Variants in MAN1A2 observed in about 807,000 individuals in gnomAD.
MAN1A2 encodes the protein mannosyl-oligosaccharide 1,2-alpha-mannosidase IB.
MAN1A2 carries 26 observed loss-of-function variants against 75.7 expected under a neutral mutation model. That is an observed-to-expected ratio of 0.34 (90% CI 0.25 to 0.48). MAN1A2 has a LOEUF of 0.48. Among genes scored for constraint, MAN1A2 ranks in the 20% least tolerant of loss-of-function variants. The pLI is 0.99. For missense variants in MAN1A2, 562 were observed against 775.5 expected, an observed-to-expected ratio of 0.72 and a Z score of 3.27; for synonymous variants, 247 against 264.6, an observed-to-expected ratio of 0.93 and a Z score of 0.65.
Position 117,398,402 on chromosome 1 carries a change from G to A in MAN1A2, c.303-3784G>A, listed in dbSNP as rs553102466. On this transcript the variant is annotated intron_variant, in intron 1 of 12. Transcript: ENST00000356554. Reference sequence around the variant, plus strand: ...GAACTGAAAGAAGGTGGCTGGGCACGGTGGCTCATGCCTGTAATCCCAGCA... The same window carrying A: ...GAACTGAAAGAAGGTGGCTGGGCACAGTGGCTCATGCCTGTAATCCCAGCA... Among the ~76,000 whole-genome samples, 16 of 152,226 alleles carry A rather than the reference G, an allele frequency of 1.1e-4. No homozygotes were observed. In the South Asian group the frequency reaches 2.5e-3, roughly 24 times the overall value.
chr1:117,376,208 G>A (rs959739108), intron 1 of MAN1A2, among the ~76,000 whole-genome samples: 4 of 152,176 alleles, frequency 2.6e-5, no homozygotes, highest in Non-Finnish European at 4.4e-5. Flanking sequence ...ACTGCGCCCG[G>A]CCCTAATTTA....
chr1:117,475,221 T>C (rs1650279506), intron 8 of MAN1A2, among the ~76,000 whole-genome samples: 1 of 151,990 alleles, frequency 6.6e-6, no homozygotes, highest in African/African-American at 2.4e-5. Flanking sequence ...ATGTGTATGT[T>C]TAACTTTTTT....
chr1:117,405,996 G>A (rs1647603553), intron 3 of MAN1A2, among the ~76,000 whole-genome samples: 1 of 152,114 alleles, frequency 6.6e-6, no homozygotes, highest in Admixed American at 6.6e-5. Flanking sequence ...CAGAGGAAGA[G>A]GGGAGGGATA....
intron 7 of MAN1A2, among the ~76,000 whole-genome samples, chr1:117,463,522 CA>C (rs1557961238): frequency 4.0e-5 from 6 of 150,248 alleles, no homozygotes; most frequent in Non-Finnish European, 8.9e-5. Flanking sequence ...CACACATACA[CA>C]CACACACACA....
At position 117,445,866 on chromosome 1, in the gene MAN1A2, G is replaced by GTATATATATATA. The variant is rs1255167664; in HGVS notation, c.950+3542_950+3543insATATATATATAT. On this transcript the variant is annotated intron_variant, in intron 6 of 12. Coordinates refer to ENST00000356554, the MANE Select transcript of MAN1A2 (RefSeq NM_006699.5). Reference sequence around the variant, plus strand: ...TGTGTGTGTGTGTGTGTGTATGTGTGTGTGTGTCTGTGTGTGTGTATATAT... The same window carrying GTATATATATATA: ...TGTGTGTGTGTGTGTGTGTATGTGTGTATATATATATATGTGTGTCTGTGTGTGTGTATATAT... Among the ~76,000 whole-genome samples the GTATATATATATA allele has an allele frequency of 5.8e-3, 689 of 119,718 alleles. 30 individuals carry two copies. The highest frequency in any genetic ancestry group is 0.02 in the East Asian group (82 of 4,016). The allele number at this position is 119,718 out of a possible 152,430, so 78.5% of individuals were successfully genotyped here.
chr1:117,492,074 G>A (rs181533914), intron 8 of MAN1A2, among the ~76,000 whole-genome samples: 13 of 152,054 alleles, frequency 8.5e-5, no homozygotes, highest in Non-Finnish European at 1.9e-4. Context: ...AGAATACTAC[G>A]TAAATTTAGT....
At chr1:117,501,044 G>A (rs1651185136) in intron 11 of MAN1A2, among the ~76,000 whole-genome samples, 1 of 151,760 alleles carries the variant, frequency 6.6e-6, no homozygotes, top group South Asian at 2.1e-4. Context: ...AGCACTTTTT[G>A]TCATTGAGGA....
At chr1:117,398,006 C>G (rs913704035) in intron 1 of MAN1A2, among the ~76,000 whole-genome samples, 4 of 152,100 alleles carry the variant, frequency 2.6e-5, no homozygotes, top group African/African-American at 9.7e-5. Context: ...CTTTGTATAT[C>G]ATATTTACTT....
chr1:117,405,059 T>A (rs934959868), intron 2 of MAN1A2, among the ~76,000 whole-genome samples: 5 of 152,166 alleles, frequency 3.3e-5, no homozygotes, highest in Admixed American at 2.6e-4. Flanking sequence ...ACAAAAAAAA[T>A]AAATAAAATA....
intron 6 of MAN1A2, among the ~76,000 whole-genome samples, chr1:117,458,509 A>ATATATG (rs1557959093): frequency 9.9e-6 from 1 of 101,512 alleles, no homozygotes; most frequent in East Asian, 2.2e-4. Flanking sequence ...ATATATATAT[A>ATATATG]TAGATATATA....
intron 5 of MAN1A2, among the ~76,000 whole-genome samples, chr1:117,438,352 G>GT (rs149598021): frequency 0.12 from 17,660 of 152,172 alleles, 1,102 homozygotes; most frequent in Non-Finnish European, 0.14. Flanking sequence ...ATATATTTGT[G>GT]TTTTTAAGCT....
At chr1:117,483,137 T>C (rs1650551835) in intron 8 of MAN1A2, among the ~76,000 whole-genome samples, 1 of 152,306 alleles carries the variant, frequency 6.6e-6, no homozygotes, top group East Asian at 1.9e-4. Flanking sequence ...TTTTGGTTAC[T>C]GTAGCCTTAT....
At chr1:117,391,268 A>G (rs1396449274) in intron 1 of MAN1A2, among the ~76,000 whole-genome samples, 4 of 152,144 alleles carry the variant, frequency 2.6e-5, no homozygotes, top group Non-Finnish European at 4.4e-5. Flanking sequence ...CAGAATGTAT[A>G]TTTTGTTATA....
intron 11 of MAN1A2, among the ~76,000 whole-genome samples, chr1:117,500,753 A>G (rs1651175481): frequency 6.6e-6 from 1 of 151,876 alleles, no homozygotes; most frequent in Non-Finnish European, 1.5e-5. Context: ...GAGCACAGCT[A>G]CTAGTGAAAT....
At chr1:117,466,051 G>T (rs552929555) in intron 7 of MAN1A2, among the ~76,000 whole-genome samples, 1 of 152,206 alleles carries the variant, frequency 6.6e-6, no homozygotes, top group African/African-American at 2.4e-5. Flanking sequence ...GTATTTCTAG[G>T]TAGTAGCATG....
At chr1:117,422,148 T>C (rs190864688) in intron 5 of MAN1A2, among the ~76,000 whole-genome samples, 1 of 152,122 alleles carries the variant, frequency 6.6e-6, no homozygotes, top group Non-Finnish European at 1.5e-5. Flanking sequence ...ACCAGCATGA[T>C]CAAGATACAG....
chr1:117,521,142 T>A (rs1651860467), intron 12 of MAN1A2, among the ~76,000 whole-genome samples: 1 of 152,022 alleles, frequency 6.6e-6, no homozygotes, highest in African/African-American at 2.4e-5. Flanking sequence ...TCCTCATCTT[T>A]CATCTTACAC....
chr1:117,437,253 A>C (rs572056355), intron 5 of MAN1A2, among the ~76,000 whole-genome samples: 2 of 152,352 alleles, frequency 1.3e-5, no homozygotes, highest in South Asian at 4.1e-4. Flanking sequence ...ATATGTGAAA[A>C]GATAAGAACA....
At position 117,429,273 on chromosome 1, in the gene MAN1A2, A is replaced by C. The variant is rs1225840102; in HGVS notation, c.855+8624A>C. 3.5e-5 allele frequency among the ~76,000 whole-genome samples: 5 copies of C among 141,700 alleles called. 1 individual carries two copies. The highest frequency in any genetic ancestry group is 7.9e-5 in the Non-Finnish European group (5 of 63,560). The allele number at this position is 141,700 out of a possible 152,430, so 93.0% of individuals were successfully genotyped here. A position where few individuals can be genotyped will look rare whatever the true frequency, so the allele number is the denominator to read the frequency against. On this transcript the variant is annotated intron_variant, in intron 5 of 12. Coordinates refer to ENST00000356554, the MANE Select transcript of MAN1A2 (RefSeq NM_006699.5). ...CACCTTTCCCGCCTTTCTATTCCAC[A>C]AAGCCGCCATTGTCATCCTGGCCCG...
Sources: gnomAD v4.1 joint callset for allele counts (sites outside exome capture counted in the v4.1 genomes callset) on GRCh38, gnomAD v4.1.1 for gene constraint, MANE v1.5 for transcripts, NCBI Gene and HGNC (gene_info 2026-07-23, HGNC 2026-07-21) for gene names.